The following GABRG1 variants were observed in gnomAD, a reference collection of about 807,000 sequenced individuals.
The protein encoded by GABRG1 is gamma-aminobutyric acid type A receptor subunit gamma1, also known as gamma-aminobutyric acid receptor subunit gamma-1.
Under a neutral mutation model 49.8 loss-of-function variants are expected in GABRG1, and 49 were observed. The observed-to-expected ratio is 0.98, with a 90% CI of 0.78 to 1.25. The LOEUF is 1.25. Among genes scored for constraint, GABRG1 ranks in the 50% most tolerant of loss-of-function variants. The pLI, the probability that GABRG1 is intolerant of heterozygous loss-of-function variation, is 0.00. For missense variants in GABRG1, 552 were observed against 552.3 expected, an observed-to-expected ratio of 1.00 and a Z score of 0.01; for synonymous variants, 232 against 185.1, an observed-to-expected ratio of 1.25 and a Z score of -2.06.
intron 1 of GABRG1, among the ~76,000 whole-genome samples, chr4:46,110,990 G>T (rs2109440787): frequency 6.6e-6 from 1 of 151,024 alleles, no homozygotes; most frequent in Middle Eastern, 3.4e-3. Flanking sequence ...GACTAGAAAT[G>T]CTAGCCAGAG....
chr4:46,051,706 G>A, intron 7 of GABRG1, 68 bp from the exon 8 acceptor site: 1 of 977,152 alleles, frequency 1.0e-6, no homozygotes, highest in Non-Finnish European at 1.5e-6. Flanking sequence ...CATCTGATTT[G>A]GCAATATTGT....
chr4:46,088,994 A>C (rs1017596059), intron 2 of GABRG1, among the ~76,000 whole-genome samples: 1 of 152,006 alleles, frequency 6.6e-6, no homozygotes, highest in Non-Finnish European at 1.5e-5. Flanking sequence ...CTTAAAGAAG[A>C]AAAAGCAGAG....
At chr4:46,062,760 T>C (rs10011593) in intron 5 of GABRG1, among the ~76,000 whole-genome samples, 76,422 of 151,876 alleles carry the variant, frequency 0.5, 19,778 homozygotes, top group African/African-American at 0.62. Context: ...ATTGTATATC[T>C]AGAAAACCCC....
chr4:46,040,271 T>A lies in GABRG1; in HGVS notation c.*717A>T, dbSNP rs1366072657. On this transcript the variant is annotated 3_prime_UTR_variant, in exon 9 of 9. Coordinates refer to ENST00000295452, the MANE Select transcript of GABRG1 (RefSeq NM_173536.4). Reference sequence around the variant, plus strand: ...ATAAAATGGTTAGATTTTACCTGATTTTTTCATCTTGCATTCTTAAAAAAT... The same window carrying A: ...ATAAAATGGTTAGATTTTACCTGATATTTTCATCTTGCATTCTTAAAAAAT... 2 of 152,042 alleles carry A rather than the reference T, an allele frequency of 1.3e-5. No homozygotes were observed. Among genetic ancestry groups the A allele is most frequent in the African/African-American group, 2.4e-5 (1 of 41,448 alleles). 9.4% of individuals were successfully genotyped at this position (152,042 alleles called of 1,614,324 possible). A position where few individuals can be genotyped will look rare whatever the true frequency, so the allele number is the denominator to read the frequency against.
intron 3 of GABRG1, among the ~76,000 whole-genome samples, chr4:46,082,772 C>T (rs902547537): frequency 2.0e-5 from 3 of 151,666 alleles, no homozygotes; most frequent in Non-Finnish European, 2.9e-5. Flanking sequence ...CTCGGTTTTG[C>T]TCCTACCCTT....
intron 8 of GABRG1, among the ~76,000 whole-genome samples, chr4:46,043,685 TA>T (rs374742185): frequency 1.0e-3 from 152 of 152,098 alleles, no homozygotes; most frequent in African/African-American, 3.4e-3. Context: ...TAAAGCAATT[TA>T]AAAAGTAGCA....
intron 2 of GABRG1, among the ~76,000 whole-genome samples, chr4:46,090,540 GA>G (rs889084056): frequency 2.6e-5 from 4 of 152,048 alleles, no homozygotes; most frequent in African/African-American, 7.2e-5. Context: ...TATATATAGA[GA>G]AAACAGACAC....
At position 46,059,001 on chromosome 4, in the gene GABRG1, C is replaced by A. The variant is rs777583407; in HGVS notation, c.626-379G>T. ...TGAAAAGTATAGCATAGTTTGGGTT[C>A]CTTTGAATTTTATTTGATCATTCCC... is the stretch of plus-strand genomic sequence containing the variant. On this transcript the variant is annotated intron_variant, in intron 5 of 8. Transcript: ENST00000295452. 7.2e-5 allele frequency among the ~76,000 whole-genome samples: 11 copies of A among 151,896 alleles called. 1 individual carries two copies. The highest frequency in any genetic ancestry group is 2.0e-4 in the Admixed American group (3 of 15,232).
At chr4:46,061,182 C>T (rs753334352) in intron 5 of GABRG1, among the ~76,000 whole-genome samples, 1 of 152,018 alleles carries the variant, frequency 6.6e-6, no homozygotes, top group Non-Finnish European at 1.5e-5. Flanking sequence ...TGAACTTTTC[C>T]TTGAGTTCCT....
chr4:46,094,395 C>T (rs1054118432), intron 2 of GABRG1, among the ~76,000 whole-genome samples: 1 of 151,066 alleles, frequency 6.6e-6, no homozygotes, highest in African/African-American at 2.5e-5. Flanking sequence ...CTGAAATAGG[C>T]TCTGTAGAAG....
At chr4:46,058,811 A>G (rs1718557374) in intron 5 of GABRG1, among the ~76,000 whole-genome samples, 189 bp from the exon 6 acceptor site, 1 of 152,126 alleles carries the variant, frequency 6.6e-6, no homozygotes, top group Non-Finnish European at 1.5e-5. Flanking sequence ...TGGATCAAAT[A>G]ATGATAACCC....
At chr4:46,063,349 C>T (rs1718785054) in intron 5 of GABRG1, among the ~76,000 whole-genome samples, 1 of 152,004 alleles carries the variant, frequency 6.6e-6, no homozygotes, top group African/African-American at 2.4e-5. Context: ...GAACAGAGCC[C>T]TCAGAAATAA....
chr4:46,038,816 C>G lies in GABRG1; in HGVS notation c.*2172G>C, dbSNP rs1399559148. The G allele has an allele frequency of 6.6e-6, 1 of 151,692 alleles. No homozygotes were observed. Among genetic ancestry groups the G allele is most frequent in the Non-Finnish European group, 1.5e-5 (1 of 67,734 alleles). 9.4% of individuals were successfully genotyped at this position (151,692 alleles called of 1,614,324 possible). Reference sequence around the variant, plus strand: ...GCTTGATGGTATATACAAGGAAAGGCATCTTTCATATATTTACAAATTTTA... The same window carrying G: ...GCTTGATGGTATATACAAGGAAAGGGATCTTTCATATATTTACAAATTTTA... On this transcript the variant is annotated 3_prime_UTR_variant, in exon 9 of 9. Coordinates refer to ENST00000295452, the MANE Select transcript of GABRG1 (RefSeq NM_173536.4).
At chr4:46,105,609 A>G (rs1020988255) in intron 1 of GABRG1, among the ~76,000 whole-genome samples, 1 of 151,500 alleles carries the variant, frequency 6.6e-6, no homozygotes, top group Non-Finnish European at 1.5e-5. Flanking sequence ...TTATTACACT[A>G]CATAACATGA....
intron 2 of GABRG1, among the ~76,000 whole-genome samples, chr4:46,090,409 A>G (rs2109426991): frequency 6.6e-6 from 1 of 152,178 alleles, no homozygotes; most frequent in African/African-American, 2.4e-5. Flanking sequence ...GACTATATAC[A>G]ATGGATTCTA....
At position 46,058,562 on chromosome 4, in the gene GABRG1, T is replaced by C. The variant is rs765141807; in HGVS notation, c.686A>G (p.Asp229Gly). Reference protein sequence around the residue: ...KWKKPSVEVADPKYWRLYQFA... With the variant: ...KWKKPSVEVAGPKYWRLYQFA... ...CTGATATAATCTCCAGTATTTAGGA[T>C]CAGCCACTTCTACGGAGGGCTTTTT... is the stretch of plus-strand genomic sequence containing the variant. Residue 229 changes from aspartate (D) to glycine (G), a missense_variant, in exon 6 of 9, where the codon GAT (aspartate) becomes GGT (glycine). Asp to Gly is a moderately conservative substitution (Grantham distance 94, BLOSUM62 -1). Coordinates refer to ENST00000295452, the MANE Select transcript of GABRG1 (RefSeq NM_173536.4). 1.2e-6 allele frequency: 2 copies of C among 1,613,160 alleles called. No individual in the cohort carries two copies. Among genetic ancestry groups the C allele is most frequent in the East Asian group, 4.5e-5 (2 of 44,802 alleles).
At chr4:46,076,404 T>TATGC in intron 3 of GABRG1, among the ~76,000 whole-genome samples, 1 of 134,560 alleles carries the variant, frequency 7.4e-6, no homozygotes, top group South Asian at 2.4e-4. Flanking sequence ...TATATATATA[T>TATGC]GCTAAATTAC....
At chr4:46,117,592 GTCTC>G (rs369617928) in intron 1 of GABRG1, among the ~76,000 whole-genome samples, 16 of 87,246 alleles carry the variant, frequency 1.8e-4, no homozygotes, top group South Asian at 6.6e-4. Context: ...GTCTCTCTTT[GTCTC>G]TCTCTCTCTC....
At chr4:46,053,465 T>A (rs1380622471) in intron 7 of GABRG1, among the ~76,000 whole-genome samples, 1 of 151,972 alleles carries the variant, frequency 6.6e-6, no homozygotes, top group Non-Finnish European at 1.5e-5. Flanking sequence ...CACTATCCCT[T>A]ACAGCTTTTA....
Sources: gnomAD v4.1 joint callset for allele counts (sites outside exome capture counted in the v4.1 genomes callset) on GRCh38, gnomAD v4.1.1 for gene constraint, MANE v1.5 for transcripts, NCBI Gene and HGNC (gene_info 2026-07-23, HGNC 2026-07-21) for gene names.